Variants in TLL2 observed in about 807,000 individuals in gnomAD.
The protein encoded by TLL2 is tolloid-like protein 2.
Under a neutral mutation model 123.0 loss-of-function variants are expected in TLL2, and 106 were observed. The ratio of observed to expected loss-of-function variants is 0.86; its 90% CI spans 0.74 to 1.01. The LOEUF (loss-of-function observed/expected upper bound fraction) is 1.01, where lower values mean the gene tolerates loss of function less well. Ranked by LOEUF, TLL2 falls within the 50% of genes least tolerant of loss-of-function variation. The pLI is 0.00. For synonymous variants in TLL2, 494 were observed against 516.8 expected (o/e 0.96, Z 0.60); for missense variants, 1,332 against 1,336.7 (o/e 1.00, Z 0.06).
At chr10:96,489,606 A>G (rs569327709) in intron 1 of TLL2, among the ~76,000 whole-genome samples, 4 of 152,302 alleles carry the variant, frequency 2.6e-5, no homozygotes, top group Admixed American at 2.0e-4. Context: ...ACATGTGGTT[A>G]TTGGGCACTG....
intron 10 of TLL2, among the ~76,000 whole-genome samples, chr10:96,400,462 G>A (rs1413124456): frequency 6.6e-6 from 1 of 151,554 alleles, no homozygotes; most frequent in Admixed American, 6.6e-5. Flanking sequence ...CTCTAGTAAT[G>A]TAGATGTCAT....
At chr10:96,442,764 TC>T (rs1336035104) in intron 3 of TLL2, among the ~76,000 whole-genome samples, 2 of 151,846 alleles carry the variant, frequency 1.3e-5, no homozygotes, top group East Asian at 3.9e-4. Flanking sequence ...TTCCTTCCTG[TC>T]CTCTGTAATT....
At chr10:96,381,908 G>C (rs960693106) in intron 16 of TLL2, among the ~76,000 whole-genome samples, 7 of 152,084 alleles carry the variant, frequency 4.6e-5, no homozygotes, top group African/African-American at 1.2e-4. Flanking sequence ...CAAATAATTG[G>C]GTCATTTCTA....
chr10:96,412,069 T>C (rs1458500397), intron 8 of TLL2, among the ~76,000 whole-genome samples: 2 of 152,214 alleles, frequency 1.3e-5, no homozygotes, highest in African/African-American at 4.8e-5. Flanking sequence ...TGAATAAATA[T>C]GATGGCATTT....
At chr10:96,463,037 C>T (rs1190600826) in intron 2 of TLL2, among the ~76,000 whole-genome samples, 4 of 152,064 alleles carry the variant, frequency 2.6e-5, no homozygotes, top group Non-Finnish European at 5.9e-5. Context: ...CTGTGAATAA[C>T]CAAAAAAGTG....
chr10:96,465,650 G>C (rs190505338), intron 2 of TLL2, among the ~76,000 whole-genome samples: 1 of 152,334 alleles, frequency 6.6e-6, no homozygotes, highest in East Asian at 1.9e-4. Flanking sequence ...CCAATGTCAG[G>C]GGACCTGAAT....
intron 9 of TLL2, among the ~76,000 whole-genome samples, chr10:96,407,254 C>T (rs1444244573): frequency 6.6e-6 from 1 of 152,100 alleles, no homozygotes; most frequent in Non-Finnish European, 1.5e-5. Context: ...AAACCCTTCC[C>T]AGGCCTGCTC....
chr10:96,484,917 A>C (rs1464088808), intron 1 of TLL2, among the ~76,000 whole-genome samples: 1 of 152,182 alleles, frequency 6.6e-6, no homozygotes, highest in Non-Finnish European at 1.5e-5. Flanking sequence ...GAAACTTTGA[A>C]ACCCATGTCA....
At chr10:96,396,581 C>CT (rs1177349566) in intron 11 of TLL2, among the ~76,000 whole-genome samples, 7,940 of 125,286 alleles carry the variant, frequency 0.063, 401 homozygotes, top group African/African-American at 0.1. Context: ...TTTCCCCTTT[C>CT]TTTTTTTTTT....
chr10:96,376,746 G>A lies in TLL2; in HGVS notation c.2394C>T (p.Ser798=). ...AGATGTTCCAGGTACACTCCCTCCG[G>A]CTGGGGTATTTGTCAGGCCAGTTGG... ...ASPNWPDKYP[S]RRECTWNISS... Residue 798 remains serine, a synonymous_variant, in exon 18 of 21, where the codon AGC becomes AGT. Transcript: ENST00000357947. The A allele has an allele frequency of 1.9e-6, 3 of 1,605,860 alleles. No individual in the cohort carries two copies. Among genetic ancestry groups the A allele is most frequent in the Non-Finnish European group, 2.5e-6 (3 of 1,176,756 alleles).
intron 19 of TLL2, among the ~76,000 whole-genome samples, chr10:96,372,671 T>C (rs1825185127): frequency 6.6e-6 from 1 of 152,130 alleles, no homozygotes; most frequent in Non-Finnish European, 1.5e-5. Context: ...CTTACAGGGA[T>C]AAAAGGGCTG....
At chr10:96,466,188 G>C (rs1486141448) in intron 2 of TLL2, among the ~76,000 whole-genome samples, 3 of 152,330 alleles carry the variant, frequency 2.0e-5, no homozygotes, top group Non-Finnish European at 4.4e-5. Flanking sequence ...GCGGGAGCTA[G>C]AGGTGGGTGG....
chr10:96,507,061 A>G (rs1293819604), intron 1 of TLL2, among the ~76,000 whole-genome samples: 2 of 152,024 alleles, frequency 1.3e-5, no homozygotes, highest in Non-Finnish European at 2.9e-5. Flanking sequence ...TCTTGCTGTC[A>G]TTCAGCTCCC....
At chr10:96,424,594 G>C (rs1475457681) in intron 5 of TLL2, among the ~76,000 whole-genome samples, 1 of 151,988 alleles carries the variant, frequency 6.6e-6, no homozygotes, top group Non-Finnish European at 1.5e-5. Flanking sequence ...TATTTTAAGC[G>C]ACATTTTTTT....
chr10:96,369,952 G>A lies in TLL2; in HGVS notation c.2913+113C>T, dbSNP rs867633414. 6 of 1,412,284 alleles carry A rather than the reference G, an allele frequency of 4.2e-6. No individual in the cohort carries two copies. In the African/African-American group the frequency reaches 8.7e-5, roughly 20 times the overall value. 87.5% of individuals were successfully genotyped at this position (1,412,284 alleles called of 1,614,324 possible). A position where few individuals can be genotyped will look rare whatever the true frequency, so the allele number is the denominator to read the frequency against. ...CTTCTGCAGAACGTGCCTCCTCGCC[G>A]TTGCTCCTAAGTGGAGTAGGTGGCC... On this transcript the variant is annotated intron_variant, in intron 20 of 20. Coordinates refer to ENST00000357947, the MANE Select transcript of TLL2 (RefSeq NM_012465.4).
intron 1 of TLL2, among the ~76,000 whole-genome samples, chr10:96,512,492 G>A (rs556207389): frequency 6.6e-6 from 1 of 152,306 alleles, no homozygotes; most frequent in East Asian, 1.9e-4. Flanking sequence ...AGGAGCACCT[G>A]CCTCGCCGAG....
chr10:96,500,008 C>T (rs1159000328), intron 1 of TLL2, among the ~76,000 whole-genome samples: 9 of 150,794 alleles, frequency 6.0e-5, no homozygotes, highest in Admixed American at 2.7e-4. Context: ...TAGCTGGGTA[C>T]GATGCCTCAC....
At chr10:96,397,605 T>G (rs553767554) in intron 10 of TLL2, among the ~76,000 whole-genome samples, 1 of 152,276 alleles carries the variant, frequency 6.6e-6, no homozygotes, top group South Asian at 2.1e-4. Context: ...GCTCTGAAGG[T>G]GAGGCAGGGG....
At chr10:96,388,307 A>G (rs1422799912) in intron 13 of TLL2, among the ~76,000 whole-genome samples, 1 of 152,178 alleles carries the variant, frequency 6.6e-6, no homozygotes, top group African/African-American at 2.4e-5. Flanking sequence ...AAGCTGAGGC[A>G]GGAGAATCGC....
Sources: gnomAD v4.1 joint callset for allele counts (sites outside exome capture counted in the v4.1 genomes callset) on GRCh38, gnomAD v4.1.1 for gene constraint, MANE v1.5 for transcripts, NCBI Gene and HGNC (gene_info 2026-07-23, HGNC 2026-07-21) for gene names.